Variants in GCNT1 observed in about 807,000 individuals in gnomAD.
The protein encoded by GCNT1 is beta-1,3-galactosyl-O-glycosyl-glycoprotein beta-1,6-N-acetylglucosaminyltransferase.
Under a neutral mutation model 26.2 loss-of-function variants are expected in GCNT1, and 16 were observed. The ratio of observed to expected loss-of-function variants is 0.61; its 90% CI spans 0.41 to 0.93. The LOEUF (loss-of-function observed/expected upper bound fraction) is 0.93. Among genes scored for constraint, GCNT1 ranks in the 40% least tolerant of loss-of-function variants. GCNT1 has a pLI of 0.00. For synonymous variants in GCNT1, 183 were observed against 190.8 expected (o/e 0.96, Z 0.34); for missense variants, 477 against 526.7 (o/e 0.91, Z 0.92).
chr9:76,398,699 AT>A, the GCNT1 span: 1 of 1,262,850 alleles, frequency 7.9e-7, no homozygotes, highest in Non-Finnish European at 1.1e-6. Context: ...AACTTTCACA[AT>A]GTCCGGAGCC....
At chr9:76,427,362 T>A (rs1369460596) in intron 1 of GCNT1, among the ~76,000 whole-genome samples, 1 of 152,112 alleles carries the variant, frequency 6.6e-6, no homozygotes, top group East Asian at 1.9e-4. Context: ...GTATTTTTTG[T>A]AGAGGCAGCG....
chr9:76,404,266 GGAATTTTTTTTAATTTTA>G, the GCNT1 span, among the ~76,000 whole-genome samples: 2 of 151,730 alleles, frequency 1.3e-5, no homozygotes, highest in South Asian at 2.1e-4. Context: ...TAAAATTTTA[GGAATTTTTTTTAATTTTA>G]GAATTTTTTT....
intron 1 of GCNT1, among the ~76,000 whole-genome samples, chr9:76,447,930 T>C (rs555698015): frequency 4.5e-4 from 68 of 152,280 alleles, no homozygotes; most frequent in African/African-American, 1.6e-3. Flanking sequence ...TTCTATGCAC[T>C]CTTACCCTCA....
rs374379501 is a variant in GCNT1, at chr9:76,501,413, A to G, written c.-144+352A>G. On this transcript the variant is annotated intron_variant, in intron 3 of 3. Transcript: ENST00000376730. Reference sequence around the variant, plus strand: ...ATTTGAATATAGATGAAGGTCTGTCATAAATTACAATTTGTATACACTATT... The same window carrying G: ...ATTTGAATATAGATGAAGGTCTGTCGTAAATTACAATTTGTATACACTATT... Among the ~76,000 whole-genome samples the G allele has an allele frequency of 2.0e-3, 307 of 152,346 alleles. 3 individuals carry two copies. The highest frequency in any genetic ancestry group is 6.9e-3 in the African/African-American group (288 of 41,592).
At chr9:76,455,332 T>C (rs1267802055), upstream of GCNT1, among the ~76,000 whole-genome samples, 2 of 152,190 alleles carry the variant, frequency 1.3e-5, no homozygotes, top group Non-Finnish European at 2.9e-5. Context: ...TCAAGTAAGG[T>C]ATTTGCCCAG....
At chr9:76,434,689 C>T (rs555341510) in intron 1 of GCNT1, among the ~76,000 whole-genome samples, 1 of 152,306 alleles carries the variant, frequency 6.6e-6, no homozygotes, top group South Asian at 2.1e-4. Context: ...GGTCTGACTG[C>T]CTGCGGGGTG....
chr9:76,399,101 A>G, the GCNT1 span: 1 of 1,585,370 alleles, frequency 6.3e-7, no homozygotes, highest in Non-Finnish European at 8.6e-7. Flanking sequence ...CCAGCCTCTC[A>G]CGGAGGCATC....
In GCNT1 at chr9:76,475,454, C is replaced by A. The variant is rs1824232439; in HGVS notation, c.-290+15277C>A. Among the ~76,000 whole-genome samples, 3 of 152,328 alleles carry A rather than the reference C, an allele frequency of 2.0e-5. No homozygotes were observed. In the South Asian group the frequency reaches 6.2e-4, roughly 32 times the overall value. The stretch of plus-strand genomic sequence containing the variant: ...ACTATGAGCTATAAGGCACACTTAA[C>A]ACAAAGCATCCAAGATGCTGCCCTA... On this transcript the variant is annotated intron_variant, in intron 2 of 3. Transcript: ENST00000376730.
At chr9:76,403,566 G>A in the GCNT1 span, among the ~76,000 whole-genome samples, 1 of 152,140 alleles carries the variant, frequency 6.6e-6, no homozygotes, top group Admixed American at 6.5e-5. Context: ...TGAAAGTTAG[G>A]GAATGAGGTT....
rs567125539 is a variant in GCNT1, at chr9:76,493,200, C to T, written c.-289-7716C>T. On this transcript the variant is annotated intron_variant, in intron 2 of 3. Coordinates refer to ENST00000376730, the MANE Select transcript of GCNT1 (RefSeq NM_001490.5). ...CACAGGTCAGCAGACGTTTACGACT[C>T]CAGTCCCCATGATCTGAGTTGAGGT... 1.6e-4 allele frequency among the ~76,000 whole-genome samples: 25 copies of T among 152,308 alleles called. No homozygotes were observed. The South Asian group carries it at 5.2e-3, about 32-fold the overall frequency.
At chr9:76,458,296 A>C (rs924526070), upstream of GCNT1, among the ~76,000 whole-genome samples, 4 of 144,858 alleles carry the variant, frequency 2.8e-5, no homozygotes, top group South Asian at 6.5e-4. Flanking sequence ...CATTCTCCTG[A>C]CTCAGCCTCC....
chr9:76,410,801 A>AT, the GCNT1 span, among the ~76,000 whole-genome samples: 1 of 152,218 alleles, frequency 6.6e-6, no homozygotes, highest in African/African-American at 2.4e-5. Flanking sequence ...GTCTCCAAGT[A>AT]TAACAGTGGA....
At chr9:76,491,007 G>A (rs1281342462) in intron 2 of GCNT1, among the ~76,000 whole-genome samples, 3 of 152,248 alleles carry the variant, frequency 2.0e-5, no homozygotes, top group African/African-American at 7.2e-5. Flanking sequence ...GTGTTACAGG[G>A]AAGACCTTCA....
Position 76,503,743 on chromosome 9 carries a change from G to A in GCNT1, c.*75G>A, listed in dbSNP as rs1825159894. On this transcript the variant is annotated 3_prime_UTR_variant, in exon 4 of 4. Transcript: ENST00000376730. The stretch of plus-strand genomic sequence containing the variant: ...CTTATCTGTTTCCCCTTCCTTGTCA[G>A]CATCGGGAAGATGGTATGAAGTCCT... The A allele has an allele frequency of 4.0e-6, 5 of 1,239,958 alleles. No individual in the cohort carries two copies. Among genetic ancestry groups the A allele is most frequent in the Non-Finnish European group, 5.9e-6 (5 of 852,004 alleles). The allele number at this position is 1,239,958 out of a possible 1,614,324, so 76.8% of individuals were successfully genotyped here.
intron 2 of GCNT1, among the ~76,000 whole-genome samples, chr9:76,469,856 G>GC (rs1824092826): frequency 6.6e-6 from 1 of 152,018 alleles, no homozygotes; most frequent in South Asian, 2.1e-4. Context: ...AACACTCACC[G>GC]CATGGCCCAA....
At chr9:76,420,122 CT>C (rs1823169796) in intron 1 of GCNT1, 1 of 152,198 alleles carries the variant, frequency 6.6e-6, no homozygotes, top group African/African-American at 2.4e-5. Context: ...TTGCTTAGGA[CT>C]TCAAAACAGA....
chr9:76,426,809 G>A (rs1157838795), intron 1 of GCNT1, among the ~76,000 whole-genome samples: 1 of 152,092 alleles, frequency 6.6e-6, no homozygotes, highest in Non-Finnish European at 1.5e-5. Flanking sequence ...AGAGGGTAGG[G>A]CTGAGGCAAG....
the GCNT1 span, chr9:76,399,046 C>A: frequency 7.5e-6 from 12 of 1,595,918 alleles, no homozygotes; most frequent in African/African-American, 1.6e-4. Flanking sequence ...AGGCAGCCTT[C>A]CGGGAGCCAT....
At chr9:76,394,423 A>C in the GCNT1 span, 7 of 407,410 alleles carry the variant, frequency 1.7e-5, no homozygotes, top group Non-Finnish European at 3.1e-5. Flanking sequence ...CAGCCGAAGT[A>C]AGTGCCGGGT....
Sources: allele counts gnomAD v4.1 joint callset (sites outside exome capture counted in the v4.1 genomes callset), GRCh38; gene constraint gnomAD v4.1.1; transcripts MANE v1.5; gene names NCBI Gene and HGNC (gene_info 2026-07-23, HGNC 2026-07-21).